HPS4: variants seen among roughly 807,000 people sequenced by gnomAD.
The protein encoded by HPS4 is BLOC-3 complex member HPS4.
A neutral mutation model predicts 70.3 loss-of-function variants in HPS4; 44 were observed. That is an observed-to-expected ratio of 0.63 (90% CI 0.49 to 0.80). The LOEUF is 0.80. Ranked by LOEUF, HPS4 falls within the 30% of genes least tolerant of loss-of-function variation. HPS4 has a pLI of 0.00. For synonymous variants in HPS4, 377 were observed against 355.9 expected (o/e 1.06, Z -0.67); for missense variants, 873 against 884.4 (o/e 0.99, Z 0.16).
chr22:26,452,937 T>C lies in HPS4; in HGVS notation c.*296A>G, dbSNP rs2085450193. 1 of 401,300 alleles carries C rather than the reference T, an allele frequency of 2.5e-6. No individual in the cohort carries two copies. Among genetic ancestry groups the C allele is most frequent in the South Asian group, 2.4e-5 (1 of 41,322 alleles). 24.9% of individuals were successfully genotyped at this position (401,300 alleles called of 1,614,324 possible). On this transcript the variant is annotated 3_prime_UTR_variant, in exon 14 of 14. Transcript: ENST00000398145. ...CAAGCTGGGATGGAACAGCAGGAGA[T>C]ATGAAATACCTCAGGCTCAGTATGG...
rs1391516751 is a variant in HPS4 at position 26,468,620 on chromosome 22, A to G, written c.600T>C (p.Ile200=). 1 of 1,613,684 alleles carries G rather than the reference A, an allele frequency of 6.2e-7. No homozygotes were observed. The highest frequency in any genetic ancestry group is 8.5e-7 in the Non-Finnish European group (1 of 1,179,796). The change falls in exon 8 of 14, where the codon ATT becomes ATC. Residue 200 remains isoleucine (I), a synonymous_variant. Transcript: ENST00000398145. ...LAGCILYKGL[I]VSTQLPPSLT... is the part of the protein sequence containing the mutation. ...GGGAGGGCGGGAGTTGGGTGCTGAC[A>G]ATCCTAGGAGGTCACACACAGAACA...
downstream of HPS4, among the ~76,000 whole-genome samples, chr22:26,447,232 A>G (rs1342111457): frequency 6.6e-6 from 1 of 152,094 alleles, no homozygotes; most frequent in Non-Finnish European, 1.5e-5. Flanking sequence ...TGTGAAAGAG[A>G]GGCCACTTTT....
At chr22:26,463,077 T>C (rs1032988620) in intron 11 of HPS4, among the ~76,000 whole-genome samples, 1 of 152,170 alleles carries the variant, frequency 6.6e-6, no homozygotes, top group Non-Finnish European at 1.5e-5. Context: ...AAGACACCAT[T>C]TGCCCTGCAG....
chr22:26,472,487 A>G (rs1175968267), intron 5 of HPS4, 69 bp from the exon 6 acceptor site: 2 of 1,006,734 alleles, frequency 2.0e-6, no homozygotes, highest in African/African-American at 1.6e-5. Flanking sequence ...CAGAGTCCCA[A>G]CTACCTCAAA....
At chr22:26,473,084 T>C in intron 4 of HPS4, 145 bp from the exon 5 acceptor site, 4 of 711,226 alleles carry the variant, frequency 5.6e-6, no homozygotes, top group Admixed American at 4.4e-5. Flanking sequence ...ACACCCTTCA[T>C]TCTGGCCAAG....
intron 13 of HPS4, among the ~76,000 whole-genome samples, chr22:26,454,765 A>G (rs1217648988): frequency 1.3e-5 from 2 of 152,240 alleles, no homozygotes; most frequent in Non-Finnish European, 1.5e-5. Flanking sequence ...TCTGCACAGC[A>G]AAAGAAACTA....
intron 3 of HPS4, chr22:26,445,015 A>C (rs1339987731): frequency 1.3e-5 from 2 of 152,180 alleles, no homozygotes; most frequent in East Asian, 3.8e-4. Context: ...TGAAAACCAG[A>C]GTGAAGTGGT....
Position 26,466,225 on chromosome 22 carries a change from C to T in HPS4, c.706+1G>A, listed in dbSNP as rs374343385. 12 of 1,614,078 alleles carry T rather than the reference C, an allele frequency of 7.4e-6. No homozygotes were observed. Among genetic ancestry groups the T allele is most frequent in the African/African-American group, 1.3e-5 (1 of 74,934 alleles). ...AGGCAACCATGCGCCTCACTACTTA[C>T]CATGTTCCTGCGGGGCATCCTCTCC... is the stretch of plus-strand genomic sequence containing the variant. On this transcript the variant is annotated splice_donor_variant, in intron 9 of 13. Transcript: ENST00000398145. LOFTEE classifies it high-confidence loss of function.
At chr22:26,458,116 G>A in intron 12 of HPS4, 149 bp from the exon 13 acceptor site, 1 of 758,394 alleles carries the variant, frequency 1.3e-6, no homozygotes, top group Non-Finnish European at 2.3e-6. Context: ...CGGGGCATTG[G>A]GCTTCGGCTG....
At chr22:26,476,085 A>C (rs2090505215) in intron 4 of HPS4, 1 of 152,200 alleles carries the variant, frequency 6.6e-6, no homozygotes, top group Non-Finnish European at 1.5e-5. Context: ...GGGAGGATAA[A>C]GGAATGAATA....
chr22:26,471,139 A>G, intron 6 of HPS4: 3 of 436,740 alleles, frequency 6.9e-6, no homozygotes, highest in South Asian at 6.1e-5. Flanking sequence ...TGACAATGCT[A>G]AGACCTCACG....
exon 4 of HPS4, chr22:26,444,561 C>CT (rs2084893911): frequency 6.6e-6 from 1 of 152,198 alleles, no homozygotes; most frequent in South Asian, 2.1e-4. Context: ...ACTAGAGATG[C>CT]CTTTTCTGAA....
At position 26,472,361 on chromosome 22, in the gene HPS4, T is replaced by A; in HGVS notation, c.442A>T (p.Lys148Ter). ...ATCTTATGCAGATCACTGGTGTTTT[T>A]CAGAATTTGCTCGATGAAGGTGTCC... ...EWDTFIEQIL[K>*]NTSDLHKIFN... Residue 148 changes from lysine to a stop codon, truncating the protein, a stop_gained, in exon 6 of 14, where the codon AAA (lysine) becomes TAA (stop). Transcript: ENST00000398145. LOFTEE classifies it high-confidence loss of function. The A allele has an allele frequency of 1.9e-6, 3 of 1,614,108 alleles. No individual in the cohort carries two copies. The highest frequency in any genetic ancestry group is 2.5e-6 in the Non-Finnish European group (3 of 1,179,924).
At chr22:26,461,209 G>C (rs2087196799) in intron 11 of HPS4, among the ~76,000 whole-genome samples, 1 of 152,234 alleles carries the variant, frequency 6.6e-6, no homozygotes, top group Non-Finnish European at 1.5e-5. Flanking sequence ...CGGTTTCCCA[G>C]TTGGGGGAAG....
In HPS4 at chr22:26,453,295, C is replaced by T. The variant is rs768192969; in HGVS notation, c.2065G>A (p.Ala689Thr). The T allele has an allele frequency of 1.1e-5, 18 of 1,614,164 alleles. No homozygotes were observed. The highest frequency in any genetic ancestry group is 3.3e-5 in the Admixed American group (2 of 60,020). The change falls in exon 14 of 14, where the codon GCC becomes ACC. Residue 689 changes from alanine (A) to threonine (T), a missense_variant. Coordinates refer to ENST00000398145, the MANE Select transcript of HPS4 (RefSeq NM_022081.6). The stretch of plus-strand genomic sequence containing the variant: ...TTTGCTTTGCCGGAGAGGCTGAAGG[C>T]GCCATCCTGAGGGTTTGGGAAGCCG... ...SSGFPNPQDG[A>T]FSLSGKAKQK...
At chr22:26,479,148 A>T in intron 3 of HPS4, 117 bp downstream of exon 3, 2 of 971,748 alleles carry the variant, frequency 2.1e-6, no homozygotes, top group South Asian at 1.4e-5. Context: ...ATAAGACAGT[A>T]GAAATGTCAT....
intron 13 of HPS4, among the ~76,000 whole-genome samples, chr22:26,456,054 A>C (rs1321094614): frequency 6.6e-6 from 1 of 152,182 alleles, no homozygotes; most frequent in Non-Finnish European, 1.5e-5. Context: ...TTCTGACAGA[A>C]AGATCTATTG....
At position 26,451,649 on chromosome 22, in the gene HPS4, A is replaced by G. The variant is rs1257776766; in HGVS notation, c.*1584T>C. 1 of 152,290 alleles carries G rather than the reference A, an allele frequency of 6.6e-6. No homozygotes were observed. The highest frequency in any genetic ancestry group is 2.4e-5 in the African/African-American group (1 of 41,444). The allele number at this position is 152,290 out of a possible 1,614,324, so 9.4% of individuals were successfully genotyped here. ...GCCTGGTACTGGGGACCACTGGTCA[A>G]AGACAACGTGAGACATTGCGGGGAC... On this transcript the variant is annotated 3_prime_UTR_variant, in exon 14 of 14. Coordinates refer to ENST00000398145, the MANE Select transcript of HPS4 (RefSeq NM_022081.6).
downstream of HPS4, chr22:26,443,371 T>A: frequency 3.3e-6 from 2 of 597,376 alleles, no homozygotes; most frequent in Non-Finnish European, 5.9e-6. Flanking sequence ...TTTCCCTTGG[T>A]TATTGTAAAT....
Sources: gnomAD v4.1 joint callset for allele counts (sites outside exome capture counted in the v4.1 genomes callset) on GRCh38, gnomAD v4.1.1 for gene constraint, MANE v1.5 for transcripts, NCBI Gene and HGNC (gene_info 2026-07-23, HGNC 2026-07-21) for gene names.